Variants in ARHGEF17 observed in about 807,000 individuals in gnomAD.
ARHGEF17 encodes Rho guanine nucleotide exchange factor 17, also known as 164 kDa Rho-specific guanine-nucleotide exchange factor.
ARHGEF17 carries 80 observed loss-of-function variants against 174.0 expected under a neutral mutation model. The ratio of observed to expected loss-of-function variants is 0.46; its 90% confidence interval spans 0.38 to 0.55. The LOEUF (loss-of-function observed/expected upper bound fraction) is 0.55, where lower values mean the gene tolerates loss of function less well. Among genes scored for constraint, ARHGEF17 ranks in the 20% least tolerant of loss-of-function variants. ARHGEF17 has a pLI of 0.00. For synonymous variants in ARHGEF17, 1,311 were observed against 1,189.1 expected, an observed-to-expected ratio of 1.10 and a Z score of -2.11; for missense variants, 2,886 against 2,839.7, an observed-to-expected ratio of 1.02 and a Z score of -0.37.
intron 1 of ARHGEF17, among the ~76,000 whole-genome samples, chr11:73,318,587 C>G (rs578045395): frequency 8.7e-4 from 132 of 152,288 alleles, no homozygotes; most frequent in Middle Eastern, 3.4e-3. Flanking sequence ...CTGTGATTGC[C>G]CAACAGCACT....
At chr11:73,357,576 G>T (rs1200641810) in intron 9 of ARHGEF17, among the ~76,000 whole-genome samples, 1 of 152,256 alleles carries the variant, frequency 6.6e-6, no homozygotes, top group Non-Finnish European at 1.5e-5. Flanking sequence ...CTGGGTGGGG[G>T]TGGTGCACAC....
chr11:73,318,178 G>A (rs1051759060), intron 1 of ARHGEF17, among the ~76,000 whole-genome samples: 3 of 152,198 alleles, frequency 2.0e-5, no homozygotes, highest in African/African-American at 4.8e-5. Context: ...GAGTGGTGCC[G>A]GGACTCAGGC....
intron 2 of ARHGEF17, among the ~76,000 whole-genome samples, chr11:73,352,602 C>T (rs1196722215): frequency 6.6e-6 from 1 of 152,208 alleles, no homozygotes; most frequent in African/African-American, 2.4e-5. Context: ...TCTTCCTGAG[C>T]GTCCTTGCTC....
At chr11:73,352,318 C>A (rs951512405) in intron 2 of ARHGEF17, among the ~76,000 whole-genome samples, 1 of 152,018 alleles carries the variant, frequency 6.6e-6, no homozygotes, top group Non-Finnish European at 1.5e-5. Context: ...AGCAAGACTT[C>A]GTCATAAAAT....
In ARHGEF17 at chr11:73,311,205, T is replaced by C; in HGVS notation, c.2567T>C (p.Met856Thr). 1 of 1,600,940 alleles carries C rather than the reference T, an allele frequency of 6.2e-7. No individual in the cohort carries two copies. Among genetic ancestry groups the C allele is most frequent in the East Asian group, 2.2e-5 (1 of 44,614 alleles). ...GAGCCCATCCGAGAAGTTGAGCCCA[T>C]GCTGCCTCCATCCAGCAGCGAGCCC... is the stretch of plus-strand genomic sequence containing the variant. ...GGEPIREVEP[M>T]LPPSSSEPIL... The change falls in exon 1 of 21, where the codon ATG becomes ACG. Residue 856 changes from methionine (M) to threonine (T), a missense_variant. Transcript: ENST00000263674.
Position 73,363,845 on chromosome 11 carries a change from G to A in ARHGEF17, c.5333+12G>A. On this transcript the variant is annotated intron_variant, in intron 16 of 20. Transcript: ENST00000263674. ...GTGACCTGCATCTTGTAAGGCCCCAGGGTGGCCCTTCCTATCTAGACTCTT... is the reference window on the plus strand; with the variant it reads ...GTGACCTGCATCTTGTAAGGCCCCAAGGTGGCCCTTCCTATCTAGACTCTT... 1 of 1,613,526 alleles carries A rather than the reference G, an allele frequency of 6.2e-7. No homozygotes were observed. The highest frequency in any genetic ancestry group is 1.3e-5 in the African/African-American group (1 of 75,052).
chr11:73,362,485 G>A lies in ARHGEF17; in HGVS notation c.4747G>A (p.Gly1583Arg), dbSNP rs370976417. ...SPPETAPEPA[G>R]PELDVEAAAD... ...TCCAGAGACGGCACCGGAGCCCGCC[G>A]GGCCGGAGCTGGACGTCGAGGCCGC... The change falls in exon 14 of 21, where the codon GGG becomes AGG. Residue 1583 changes from glycine (G) to arginine (R), a missense_variant. Around this residue, in one of 4 missense-constraint regions of ARHGEF17, gnomAD observed 476 missense variants for 473.1 expected, o/e 1.01. Transcript: ENST00000263674. 33 of 1,596,706 alleles carry A rather than the reference G, an allele frequency of 2.1e-5. No homozygotes were observed. Among genetic ancestry groups the A allele is most frequent in the Admixed American group, 3.4e-5 (2 of 59,496 alleles).
intron 2 of ARHGEF17, 58 bp downstream of exon 2, chr11:73,347,018 G>C (rs1221523475): frequency 1.3e-6 from 2 of 1,507,890 alleles, no homozygotes; most frequent in Admixed American, 3.8e-5. Flanking sequence ...GAGGCTGTCA[G>C]ATGGGTGTGA....
chr11:73,341,052 C>G (rs950445085), intron 1 of ARHGEF17, among the ~76,000 whole-genome samples: 1 of 152,182 alleles, frequency 6.6e-6, no homozygotes, highest in Non-Finnish European at 1.5e-5. Context: ...ATTAAGCCAG[C>G]CTTCCTTATA....
chr11:73,309,155 C>T lies in ARHGEF17; in HGVS notation c.517C>T (p.Pro173Ser). 2 of 1,589,048 alleles carry T rather than the reference C, an allele frequency of 1.3e-6. No homozygotes were observed. The highest frequency in any genetic ancestry group is 1.7e-6 in the Non-Finnish European group (2 of 1,168,924). Residue 173 changes from proline to serine, a missense_variant, in exon 1 of 21, where the codon CCT becomes TCT. By Grantham distance (74) the Pro-to-Ser change is moderately conservative (BLOSUM62 -1). Coordinates refer to ENST00000263674, the MANE Select transcript of ARHGEF17 (RefSeq NM_014786.4). Reference sequence around the variant, plus strand: ...GTCGCGGCAGCCACCGACGCCACCCCCTCGGACATGCTTCCCCCTGGCGGG... The same window carrying T: ...GTCGCGGCAGCCACCGACGCCACCCTCTCGGACATGCTTCCCCCTGGCGGG... ...RESRQPPTPP[P>S]RTCFPLAGLR...
At position 73,311,697 on chromosome 11, in the gene ARHGEF17, C is replaced by T. The variant is rs1864839976; in HGVS notation, c.3059C>T (p.Pro1020Leu). The T allele has an allele frequency of 6.2e-7, 1 of 1,613,396 alleles. No homozygotes were observed. The highest frequency in any genetic ancestry group is 8.5e-7 in the Non-Finnish European group (1 of 1,180,038). Residue 1020 changes from proline to leucine, a missense_variant, in exon 1 of 21, where the codon CCT becomes CTT. Coordinates refer to ENST00000263674, the MANE Select transcript of ARHGEF17 (RefSeq NM_014786.4). ...CTGAACCTGCACTCCGGTGAGGTCC[C>T]TGCCCCAGTGCCAGTGGACATGCCC... ...YMLNLHSGEV[P>L]APVPVDMPCL...
At position 73,324,273 on chromosome 11, in the gene ARHGEF17, G is replaced by T. The variant is rs138842117; in HGVS notation, c.3192+12443G>T. Among the ~76,000 whole-genome samples, 695 of 152,278 alleles carry T rather than the reference G, an allele frequency of 4.6e-3. 9 individuals carry two copies. The highest frequency in any genetic ancestry group is 0.016 in the African/African-American group (656 of 41,546). ...CCCCGTGACCCAATGCTTGATTCTG[G>T]TCGGGTGGATCCACCCATGCCAAGC... On this transcript the variant is annotated intron_variant, in intron 1 of 20. Coordinates refer to ENST00000263674, the MANE Select transcript of ARHGEF17 (RefSeq NM_014786.4).
intron 2 of ARHGEF17, among the ~76,000 whole-genome samples, chr11:73,350,287 C>T (rs995171019): frequency 6.6e-6 from 1 of 152,182 alleles, no homozygotes; most frequent in Admixed American, 6.5e-5. Flanking sequence ...CACTATGTGC[C>T]AGGCACTGTT....
At chr11:73,346,410 G>A (rs1410891064) in intron 1 of ARHGEF17, among the ~76,000 whole-genome samples, 2 of 152,220 alleles carry the variant, frequency 1.3e-5, no homozygotes, top group African/African-American at 4.8e-5. Context: ...GCAGGGTGAT[G>A]GTGTCTACTC....
chr11:73,347,045 G>C (rs750800619), intron 2 of ARHGEF17, 85 bp downstream of exon 2: 5 of 1,316,200 alleles, frequency 3.8e-6, no homozygotes, highest in Non-Finnish European at 5.4e-6. Context: ...CCCTTTCATG[G>C]ACAAGGGACT....
chr11:73,340,441 C>T (rs1418867459), intron 1 of ARHGEF17, among the ~76,000 whole-genome samples: 2 of 152,154 alleles, frequency 1.3e-5, no homozygotes, highest in Non-Finnish European at 2.9e-5. Flanking sequence ...AATACTTTCC[C>T]CTGAAGCAGC....
At position 73,352,981 on chromosome 11, in the gene ARHGEF17, A is replaced by C. The variant is rs779691053; in HGVS notation, c.3422A>C (p.Gln1141Pro). The stretch of plus-strand genomic sequence containing the variant: ...CACTGCATGCAGACCTGGCATGCCC[A>C]GCAGAAGGTGGGAGCCCTGCTCGTC... ...VRHCMQTWHA[Q>P]QKVGALLVQS... The change falls in exon 3 of 21, where the codon CAG (glutamine) becomes CCG (proline). Residue 1141 changes from glutamine (Q) to proline (P), a missense_variant. By Grantham distance (76) the Gln-to-Pro change is moderately conservative. Coordinates refer to ENST00000263674, the MANE Select transcript of ARHGEF17 (RefSeq NM_014786.4). 2 of 1,614,042 alleles carry C rather than the reference A, an allele frequency of 1.2e-6. No homozygotes were observed. Among genetic ancestry groups the C allele is most frequent in the Non-Finnish European group, 1.7e-6 (2 of 1,180,038 alleles).
intron 5 of ARHGEF17, 61 bp downstream of exon 5, chr11:73,356,014 G>A (rs1865631556): frequency 6.2e-7 from 1 of 1,603,456 alleles, no homozygotes; most frequent in East Asian, 2.2e-5. Flanking sequence ...GATACAAGGA[G>A]GTCTAAGGCC....
intron 15 of ARHGEF17, 108 bp downstream of exon 15, chr11:73,363,563 T>G (rs1368378010): frequency 6.6e-7 from 1 of 1,521,240 alleles, no homozygotes; most frequent in African/African-American, 1.4e-5. Flanking sequence ...GGGTCACACC[T>G]CAGGGGTACT....
Sources: gnomAD v4.1 joint callset for allele counts (sites outside exome capture counted in the v4.1 genomes callset) on GRCh38, gnomAD v4.1.1 for gene constraint, gnomAD v4.1.1 regional missense constraint, MANE v1.5 for transcripts, NCBI Gene and HGNC (gene_info 2026-07-23, HGNC 2026-07-21) for gene names.